Variants in ROBO2 observed in about 807,000 individuals in gnomAD.
ROBO2 encodes the protein roundabout homolog 2.
A neutral mutation model predicts 160.8 loss-of-function variants in ROBO2; 53 were observed. That is an observed-to-expected ratio of 0.33 (90% CI 0.26 to 0.41). The LOEUF is 0.41. ROBO2 is among the 10% of genes least tolerant of loss of function. The probability of loss-of-function intolerance (pLI) is 1.00; values close to 1 mark genes in which losing one functional copy is unlikely to be tolerated. For missense variants in ROBO2, 1,577 were observed against 1,722.4 expected, an observed-to-expected ratio of 0.92 and a Z score of 1.49; for synonymous variants, 664 against 611.7, an observed-to-expected ratio of 1.09 and a Z score of -1.26.
chr3:77,426,574 G>A (rs1419793946), intron 2 of ROBO2, among the ~76,000 whole-genome samples: 1 of 150,646 alleles, frequency 6.6e-6, no homozygotes, highest in Admixed American at 6.6e-5. Flanking sequence ...TGTGTATAAT[G>A]TAAATACCTA....
chr3:76,904,165 T>C (rs940270717), intron 2 of ROBO2, among the ~76,000 whole-genome samples: 4 of 152,262 alleles, frequency 2.6e-5, no homozygotes, highest in South Asian at 2.1e-4. Context: ...TTTAACTATT[T>C]TTAAGGATTT....
At chr3:77,542,322 ATTTTC>A (rs2092503049) in intron 6 of ROBO2, among the ~76,000 whole-genome samples, 3 of 152,174 alleles carry the variant, frequency 2.0e-5, no homozygotes, top group Non-Finnish European at 4.4e-5. Context: ...AAGGATGTGT[ATTTTC>A]ACAGACTTGA....
intron 2 of ROBO2, among the ~76,000 whole-genome samples, chr3:76,358,044 A>C (rs1392692636): frequency 1.3e-5 from 2 of 151,846 alleles, no homozygotes; most frequent in Non-Finnish European, 1.5e-5. Flanking sequence ...GGGGACATAA[A>C]AAGTTATTTG....
chr3:77,601,571 A>C (rs986991042), intron 19 of ROBO2, among the ~76,000 whole-genome samples: 2 of 152,188 alleles, frequency 1.3e-5, no homozygotes, highest in Admixed American at 6.5e-5. Flanking sequence ...AGCATAAATT[A>C]AACTCACCGA....
chr3:76,115,755 A>G lies in ROBO2; in HGVS notation c.109+178153A>G, dbSNP rs138226766. Among the ~76,000 whole-genome samples, 911 of 152,130 alleles carry G rather than the reference A, an allele frequency of 6.0e-3. 15 individuals are homozygous for G. The highest frequency in any genetic ancestry group is 0.021 in the African/African-American group (885 of 41,530). On this transcript the variant is annotated intron_variant, in intron 2 of 26. Transcript: ENST00000487694. The stretch of plus-strand genomic sequence containing the variant: ...AAGAAGCAGCAAAATGAATTTCAAC[A>G]TTTCTGCTCTTGTTTCTTTTAATTT...
chr3:76,025,463 A>G (rs536588723), intron 2 of ROBO2, among the ~76,000 whole-genome samples: 1 of 151,744 alleles, frequency 6.6e-6, no homozygotes, highest in Non-Finnish European at 1.5e-5. Flanking sequence ...CCTTCTCTTT[A>G]TTGAAAACAT....
intron 2 of ROBO2, among the ~76,000 whole-genome samples, chr3:76,613,723 A>G (rs2088335747): frequency 6.6e-6 from 1 of 152,014 alleles, no homozygotes. Context: ...TATGCCACCT[A>G]TCAATAAAGT....
chr3:77,224,968 C>T lies in ROBO2; in HGVS notation c.388+126628C>T, dbSNP rs1355385155. Among the ~76,000 whole-genome samples, 22 of 151,712 alleles carry T rather than the reference C, an allele frequency of 1.5e-4. No homozygotes were observed. The South Asian group carries it at 3.7e-3, about 26-fold the overall frequency. On this transcript the variant is annotated intron_variant, in intron 2 of 25. Coordinates refer to ENST00000461745, the Ensembl canonical transcript of ROBO2. ...GTAGCTATAGGTTTAACATAAATAG[C>T]CAAATTTATCATTATATGATTTTTT...
At chr3:76,345,994 A>C (rs1553714658) in intron 2 of ROBO2, among the ~76,000 whole-genome samples, 1 of 152,032 alleles carries the variant, frequency 6.6e-6, no homozygotes, top group Non-Finnish European at 1.5e-5. Flanking sequence ...ACCCTGCTCC[A>C]GAAGGCAGGC....
At chr3:77,541,083 A>G (rs2092440310) in intron 6 of ROBO2, among the ~76,000 whole-genome samples, 1 of 152,214 alleles carries the variant, frequency 6.6e-6, no homozygotes. Flanking sequence ...CGAAATGGCA[A>G]TTATAGAATT....
At position 76,224,295 on chromosome 3, in the gene ROBO2, G is replaced by A. The variant is rs577655544; in HGVS notation, c.109+286693G>A. ...AATTCAGTCTGAAGATCTGAAAACC[G>A]AGAGAGTTAATGGCATAATTCCTAC... On this transcript the variant is annotated intron_variant, in intron 2 of 26. Coordinates refer to the ROBO2 transcript ENST00000487694. Among the ~76,000 whole-genome samples the A allele has an allele frequency of 3.3e-5, 5 of 152,260 alleles. No individual in the cohort carries two copies. The South Asian group carries it at 1.0e-3, about 32-fold the overall frequency.
At chr3:77,632,111 T>C (rs2095175761) in intron 23 of ROBO2, 1 of 157,740 alleles carries the variant, frequency 6.3e-6, no homozygotes, top group Admixed American at 6.5e-5. Context: ...GAGTCTTTGA[T>C]AAGTTTAAGT....
chr3:76,950,887 G>A (rs913893773), intron 2 of ROBO2, among the ~76,000 whole-genome samples: 5 of 151,960 alleles, frequency 3.3e-5, no homozygotes, highest in African/African-American at 7.2e-5. Context: ...CCACCACACC[G>A]GGCTTAATTT....
chr3:76,567,235 G>T (rs1156482231), intron 2 of ROBO2, among the ~76,000 whole-genome samples: 1 of 152,082 alleles, frequency 6.6e-6, no homozygotes, highest in African/African-American at 2.4e-5. Context: ...CCTGAAAATG[G>T]CATGATTGTG....
chr3:76,330,833 A>T (rs1343460162), intron 2 of ROBO2, among the ~76,000 whole-genome samples: 1 of 152,248 alleles, frequency 6.6e-6, no homozygotes, highest in African/African-American at 2.4e-5. Context: ...GCTTCATGAC[A>T]TATTAAAGCA....
At position 76,642,092 on chromosome 3, in the gene ROBO2, A is replaced by C. The variant is rs368814902; in HGVS notation, c.110-455922A>C. Among the ~76,000 whole-genome samples, 3 of 152,124 alleles carry C rather than the reference A, an allele frequency of 2.0e-5. No individual in the cohort carries two copies. The East Asian group carries it at 5.8e-4, about 29-fold the overall frequency. On this transcript the variant is annotated intron_variant, in intron 2 of 26. Coordinates refer to the ROBO2 transcript ENST00000487694. ...GTACTATTTTTGCAATTTTTCTATA[A>C]GTTTAAAATTATTTCCAAACTAAAC...
At chr3:77,563,975 C>T (rs2093409237) in intron 11 of ROBO2, among the ~76,000 whole-genome samples, 1 of 151,990 alleles carries the variant, frequency 6.6e-6, no homozygotes, top group South Asian at 2.1e-4. Context: ...TGATAAAATG[C>T]TTACACAAAT....
At chr3:77,008,351 T>A (rs1296053758) in intron 2 of ROBO2, among the ~76,000 whole-genome samples, 1 of 152,180 alleles carries the variant, frequency 6.6e-6, no homozygotes, top group Non-Finnish European at 1.5e-5. Context: ...ATGTTGGTTT[T>A]TTCTAAGTGA....
intron 2 of ROBO2, among the ~76,000 whole-genome samples, chr3:77,403,690 CA>C (rs2076022051): frequency 6.6e-6 from 1 of 150,646 alleles, no homozygotes; most frequent in Non-Finnish European, 1.5e-5. Flanking sequence ...AATAATGCTG[CA>C]ATGAACATTA....
Sources: allele counts gnomAD v4.1 joint callset (sites outside exome capture counted in the v4.1 genomes callset), GRCh38; gene constraint gnomAD v4.1.1; transcripts MANE v1.5; gene names NCBI Gene and HGNC (gene_info 2026-07-23, HGNC 2026-07-21).